The following ZFHX4 variants were observed in gnomAD, a reference collection of about 807,000 sequenced individuals.
The protein encoded by ZFHX4 is zinc finger homeobox 4, also known as zinc finger homeobox protein 4.
In ZFHX4, 56 loss-of-function variants were observed where a neutral mutation model predicts 267.6. The observed-to-expected ratio is 0.21, with a 90% CI of 0.17 to 0.26. The LOEUF is 0.26. Among genes scored for constraint, ZFHX4 ranks in the 10% least tolerant of loss-of-function variants. The probability of loss-of-function intolerance (pLI) is 1.00; values close to 1 mark genes in which losing one functional copy is unlikely to be tolerated. For missense variants in ZFHX4, 4,332 were observed against 4,420.0 expected (o/e 0.98, Z 0.56); for synonymous variants, 1,778 against 1,665.6 (o/e 1.07, Z -1.64).
intron 4 of ZFHX4, among the ~76,000 whole-genome samples, chr8:76,780,106 G>GT: frequency 6.6e-6 from 1 of 151,864 alleles, no homozygotes; most frequent in Non-Finnish European, 1.5e-5. Context: ...TCTTTGGTAG[G>GT]TTTTACCAGT....
intron 3 of ZFHX4, among the ~76,000 whole-genome samples, chr8:76,738,077 T>A (rs528262964): frequency 6.6e-6 from 1 of 152,320 alleles, no homozygotes; most frequent in East Asian, 1.9e-4. Context: ...CCTCACAAAT[T>A]AATGAGCTAA....
At chr8:76,819,942 T>C (rs1811606012) in intron 4 of ZFHX4, among the ~76,000 whole-genome samples, 1 of 152,202 alleles carries the variant, frequency 6.6e-6, no homozygotes, top group African/African-American at 2.4e-5. Flanking sequence ...CAACATCTGC[T>C]TCCTCTGAGG....
intron 1 of ZFHX4, among the ~76,000 whole-genome samples, chr8:76,688,632 T>C (rs148519982): frequency 3.3e-5 from 5 of 152,288 alleles, no homozygotes; most frequent in African/African-American, 1.2e-4. Context: ...ATGATGTTTC[T>C]TCAGCCAGCA....
intron 3 of ZFHX4, among the ~76,000 whole-genome samples, chr8:76,771,957 G>T (rs1237039131): frequency 6.6e-6 from 1 of 152,160 alleles, no homozygotes; most frequent in East Asian, 1.9e-4. Flanking sequence ...CTACCTGAAA[G>T]ACCTGAGGAA....
chr8:76,791,873 T>C (rs1442253131), intron 4 of ZFHX4, among the ~76,000 whole-genome samples: 1 of 152,206 alleles, frequency 6.6e-6, no homozygotes, highest in Admixed American at 6.6e-5. Flanking sequence ...AAATATATTC[T>C]ACACAAAACC....
chr8:76,741,780 C>G (rs1285337233), intron 3 of ZFHX4, among the ~76,000 whole-genome samples: 1 of 152,118 alleles, frequency 6.6e-6, no homozygotes, highest in African/African-American at 2.4e-5. Context: ...CCATCTAAAA[C>G]CACTTTTTTT....
chr8:76,732,377 A>G (rs1206705772), intron 3 of ZFHX4, among the ~76,000 whole-genome samples: 2 of 152,094 alleles, frequency 1.3e-5, no homozygotes, highest in African/African-American at 2.4e-5. Context: ...CTAAGTGTAT[A>G]TATATGTTAA....
chr8:76,745,676 A>T (rs1457064638), intron 3 of ZFHX4, among the ~76,000 whole-genome samples: 1 of 152,146 alleles, frequency 6.6e-6, no homozygotes, highest in Non-Finnish European at 1.5e-5. Flanking sequence ...GTTAGAGACA[A>T]TTAGAACATT....
chr8:76,820,081 T>A (rs1394652648), intron 4 of ZFHX4, among the ~76,000 whole-genome samples: 1 of 152,222 alleles, frequency 6.6e-6, no homozygotes, highest in Non-Finnish European at 1.5e-5. Context: ...ATTCTTTCTA[T>A]GTCCTAGTAA....
At chr8:76,777,510 A>T (rs947880081) in intron 3 of ZFHX4, among the ~76,000 whole-genome samples, 1 of 152,220 alleles carries the variant, frequency 6.6e-6, no homozygotes, top group African/African-American at 2.4e-5. Context: ...AATTAAGAGA[A>T]ACATTTTTGT....
At chr8:76,829,576 C>T (rs894295756) in intron 4 of ZFHX4, among the ~76,000 whole-genome samples, 1 of 151,886 alleles carries the variant, frequency 6.6e-6, no homozygotes, top group Non-Finnish European at 1.5e-5. Context: ...TTTGGGAGGC[C>T]GAGGTGGGCA....
chr8:76,790,329 G>A (rs905127095), intron 4 of ZFHX4, among the ~76,000 whole-genome samples: 9 of 152,140 alleles, frequency 5.9e-5, no homozygotes, highest in African/African-American at 1.7e-4. Context: ...GGAAACTTAG[G>A]CACAGATATT....
chr8:76,814,090 G>A (rs887187761), intron 4 of ZFHX4, among the ~76,000 whole-genome samples: 1 of 151,892 alleles, frequency 6.6e-6, no homozygotes, highest in African/African-American at 2.4e-5. Context: ...AAAGATTTTA[G>A]AGACAGAGTC....
In ZFHX4 at chr8:76,866,608, G is replaced by A. The variant is rs929554586; in HGVS notation, c.*2043G>A. On this transcript the variant is annotated 3_prime_UTR_variant, in exon 11 of 11. Transcript: ENST00000651372. ...CTGAATCCAAAGGCTTCAGAAAATT[G>A]CTTTTGCCTTTTTCATGAATGTTAA... is the stretch of plus-strand genomic sequence containing the variant. 1 of 152,336 alleles carries A rather than the reference G, an allele frequency of 6.6e-6. No individual in the cohort carries two copies. The highest frequency in any genetic ancestry group is 2.4e-5 in the African/African-American group (1 of 41,388). The allele number at this position is 152,336 out of a possible 1,614,324, so 9.4% of individuals were successfully genotyped here. A position where few individuals can be genotyped will look rare whatever the true frequency, so the allele number is the denominator to read the frequency against.
chr8:76,819,415 T>C (rs1044711806), intron 4 of ZFHX4, among the ~76,000 whole-genome samples: 4 of 152,298 alleles, frequency 2.6e-5, no homozygotes, highest in African/African-American at 9.6e-5. Context: ...ACTTCCGTAA[T>C]GGGACTATCA....
intron 1 of ZFHX4, among the ~76,000 whole-genome samples, chr8:76,699,744 CAA>C (rs34108017): frequency 7.9e-4 from 71 of 89,658 alleles, no homozygotes; most frequent in African/African-American, 1.3e-3. Flanking sequence ...GCAACTGATG[CAA>C]AAAAAAAAAA....
chr8:76,810,798 T>G (rs1811357586), intron 4 of ZFHX4, among the ~76,000 whole-genome samples: 1 of 152,168 alleles, frequency 6.6e-6, no homozygotes, highest in Admixed American at 6.5e-5. Flanking sequence ...CTGTTGTAGT[T>G]TTAAAACTAA....
chr8:76,840,797 CAT>C (rs1032816741), intron 5 of ZFHX4, among the ~76,000 whole-genome samples: 6 of 152,158 alleles, frequency 3.9e-5, no homozygotes, highest in African/African-American at 1.4e-4. Flanking sequence ...GATCATGTCA[CAT>C]GTGTGGACTT....
intron 10 of ZFHX4, among the ~76,000 whole-genome samples, chr8:76,858,776 A>T (rs1192075360): frequency 6.6e-6 from 1 of 152,212 alleles, no homozygotes; most frequent in Non-Finnish European, 1.5e-5. Context: ...AATCAAAAGA[A>T]CATTATAAGT....
Sources: allele counts gnomAD v4.1 joint callset (sites outside exome capture counted in the v4.1 genomes callset), GRCh38; gene constraint gnomAD v4.1.1; transcripts MANE v1.5; gene names NCBI Gene and HGNC (gene_info 2026-07-23, HGNC 2026-07-21).